Variants in KANSL1 observed in about 807,000 individuals in gnomAD.
KANSL1 encodes the protein MLL1/MLL complex subunit KANSL1.
In KANSL1, 22 loss-of-function variants were observed where a neutral mutation model predicts 103.6. The observed-to-expected ratio is 0.21, with a 90% CI of 0.15 to 0.30. The LOEUF is 0.30. KANSL1 is among the 10% of genes least tolerant of loss of function. The pLI, the probability that KANSL1 is intolerant of heterozygous loss-of-function variation, is 1.00. For missense variants in KANSL1, 1,337 were observed against 1,399.8 expected (o/e 0.96, Z 0.72); for synonymous variants, 600 against 527.6 (o/e 1.14, Z -1.88).
chr17:46,085,875 G>A (rs1214245295), intron 3 of KANSL1, among the ~76,000 whole-genome samples: 1 of 152,122 alleles, frequency 6.6e-6, no homozygotes, highest in East Asian at 1.9e-4. Context: ...CAATCCACCT[G>A]CCTCGGCCTC....
rs756625356 is a variant in KANSL1 at position 46,171,978 on chromosome 17, C to T, written c.166G>A (p.Ala56Thr). ...CGGAAATCTAGGCTGGGATCCTCTG[C>T]AGCAATGGCTTTTCTTTTGGTTCCG... ...ANGTKRKAIA[A>T]EDPSLDFRNN... is the part of the protein sequence containing the mutation. The change falls in exon 2 of 15, where the codon GCA (alanine) becomes ACA (threonine). Residue 56 changes from alanine to threonine, a missense_variant. Physicochemically the swap from Ala to Thr is moderately conservative, Grantham distance 58 (BLOSUM62 0). Transcript: ENST00000432791. 5.0e-6 allele frequency: 8 copies of T among 1,614,274 alleles called. No individual in the cohort carries two copies. In the South Asian group the frequency reaches 7.7e-5, roughly 16 times the overall value.
chr17:46,173,070 T>C (rs2046362926), intron 1 of KANSL1, among the ~76,000 whole-genome samples: 7 of 152,198 alleles, frequency 4.6e-5, no homozygotes, highest in Admixed American at 4.6e-4. Context: ...AATCCAATGG[T>C]CAAACCTCAG....
intron 2 of KANSL1, among the ~76,000 whole-genome samples, chr17:46,141,968 A>C (rs1332087428): frequency 6.6e-6 from 1 of 152,192 alleles, no homozygotes; most frequent in African/African-American, 2.4e-5. Context: ...GGCTCACTGC[A>C]ACCTCCACCT....
chr17:46,144,095 G>A (rs2044570320), intron 2 of KANSL1, among the ~76,000 whole-genome samples: 1 of 152,146 alleles, frequency 6.6e-6, no homozygotes, highest in Non-Finnish European at 1.5e-5. Flanking sequence ...GTCATGGGGG[G>A]GAAAACGAAA....
intron 1 of KANSL1, among the ~76,000 whole-genome samples, chr17:46,187,968 A>G (rs2532242): frequency 0.95 from 144,234 of 152,316 alleles, 68,296 homozygotes; most frequent in East Asian, 1. Flanking sequence ...GCTTAATAAA[A>G]AAAAATATAT....
At chr17:46,211,651 G>A (rs1567807965) in intron 1 of KANSL1, among the ~76,000 whole-genome samples, 1 of 152,250 alleles carries the variant, frequency 6.6e-6, no homozygotes, top group Non-Finnish European at 1.5e-5. Flanking sequence ...TTTCACTGGA[G>A]ATTAAATTAA....
intron 3 of KANSL1, chr17:46,088,313 C>G (rs1477096676): frequency 6.6e-6 from 1 of 152,352 alleles, no homozygotes; most frequent in African/African-American, 2.4e-5. Flanking sequence ...CTATGCATCT[C>G]AAGACAAACC....
chr17:46,177,953 A>G (rs892662832), intron 1 of KANSL1, among the ~76,000 whole-genome samples: 6 of 152,000 alleles, frequency 3.9e-5, no homozygotes, highest in Non-Finnish European at 8.8e-5. Flanking sequence ...AGTTTTTTGT[A>G]TTTTTAGTAG....
At chr17:46,034,133 A>G (rs977852622) in intron 11 of KANSL1, 28 bp downstream of exon 11, 3 of 1,611,604 alleles carry the variant, frequency 1.9e-6, no homozygotes, top group African/African-American at 1.3e-5. Context: ...AAGAATGGGG[A>G]GAGGAGCCAA....
At chr17:46,165,570 C>G (rs2045955663) in intron 2 of KANSL1, among the ~76,000 whole-genome samples, 1 of 150,762 alleles carries the variant, frequency 6.6e-6, no homozygotes, top group Non-Finnish European at 1.5e-5. Context: ...GAGTGCAGAG[C>G]TGAGATTTCA....
chr17:46,097,015 C>T lies in KANSL1; in HGVS notation c.1290-2314G>A, dbSNP rs182581678. ...CCTGACCTTTAGCCTCCCAAAGACACGAGCCACTATGCCCAGCCATGAAAT... is the reference window on the plus strand; with the variant it reads ...CCTGACCTTTAGCCTCCCAAAGACATGAGCCACTATGCCCAGCCATGAAAT... On this transcript the variant is annotated intron_variant, in intron 2 of 14. Coordinates refer to ENST00000432791, the MANE Select transcript of KANSL1 (RefSeq NM_015443.4). Among the ~76,000 whole-genome samples, 804 of 152,178 alleles carry T rather than the reference C, an allele frequency of 5.3e-3. 8 individuals are homozygous for T. The highest frequency in any genetic ancestry group is 0.018 in the African/African-American group (763 of 41,522).
intron 2 of KANSL1, among the ~76,000 whole-genome samples, chr17:46,154,925 T>C (rs1263501870): frequency 6.6e-6 from 1 of 152,158 alleles, no homozygotes; most frequent in African/African-American, 2.4e-5. Flanking sequence ...CCTCCTAAAG[T>C]ACTGGGATTA....
chr17:46,056,009 A>AT, intron 6 of KANSL1, among the ~76,000 whole-genome samples: 1 of 152,090 alleles, frequency 6.6e-6, no homozygotes, highest in Non-Finnish European at 1.5e-5. Context: ...ATTTTATTTT[A>AT]TTTTTTTGAT....
intron 2 of KANSL1, among the ~76,000 whole-genome samples, chr17:46,125,011 AGGG>A (rs1567702284): frequency 4.8e-4 from 66 of 136,384 alleles, no homozygotes; most frequent in Non-Finnish European, 7.2e-4. Context: ...AAGAAAGGGA[AGGG>A]AAGGGAAGGG....
chr17:46,113,693 A>G (rs1025861867), intron 2 of KANSL1, among the ~76,000 whole-genome samples: 2 of 152,186 alleles, frequency 1.3e-5, no homozygotes, highest in Non-Finnish European at 2.9e-5. Flanking sequence ...TAATGAATTT[A>G]TGATCATCTG....
At chr17:46,127,408 TCC>T (rs2043625371) in intron 2 of KANSL1, among the ~76,000 whole-genome samples, 1 of 152,208 alleles carries the variant, frequency 6.6e-6, no homozygotes, top group African/African-American at 2.4e-5. Flanking sequence ...ATGTTACAAC[TCC>T]TTTAGAATCT....
chr17:46,108,058 A>C (rs1319769625), intron 2 of KANSL1, among the ~76,000 whole-genome samples: 3 of 147,410 alleles, frequency 2.0e-5, no homozygotes. Context: ...GACCACTTTC[A>C]GGATATTATC....
chr17:46,077,074 C>G (rs2146767196), intron 4 of KANSL1, among the ~76,000 whole-genome samples: 1 of 152,260 alleles, frequency 6.6e-6, no homozygotes, highest in East Asian at 1.9e-4. Context: ...TTGTTTGAGG[C>G]AGGGTCTCAC....
intron 1 of KANSL1, among the ~76,000 whole-genome samples, chr17:46,187,044 T>G (rs1353534488): frequency 1.3e-5 from 2 of 152,202 alleles, no homozygotes; most frequent in Non-Finnish European, 2.9e-5. Flanking sequence ...GGCTGGTATT[T>G]CTATGAAGTG....
Sources: allele counts gnomAD v4.1 joint callset (sites outside exome capture counted in the v4.1 genomes callset), GRCh38; gene constraint gnomAD v4.1.1; transcripts MANE v1.5; gene names NCBI Gene and HGNC (gene_info 2026-07-23, HGNC 2026-07-21).